FLNB: variants seen among roughly 807,000 people sequenced by gnomAD.
FLNB encodes filamin-B.
Under a neutral mutation model 250.6 loss-of-function variants are expected in FLNB, and 111 were observed. That is an observed-to-expected ratio of 0.44 (90% CI 0.38 to 0.52). The LOEUF (loss-of-function observed/expected upper bound fraction) is 0.52. FLNB is among the 20% of genes least tolerant of loss of function. FLNB has a pLI of 0.00. For missense variants in FLNB, 2,869 were observed against 3,447.8 expected (o/e 0.83, Z 4.20); for synonymous variants, 1,302 against 1,372.1 (o/e 0.95, Z 1.13).
intron 39 of FLNB, chr3:58,154,587 G>T: frequency 1.7e-5 from 9 of 542,804 alleles, no homozygotes; most frequent in East Asian, 6.6e-5. Context: ...GACTCCAGAT[G>T]TCCTGTGAAT....
chr3:58,170,528 GC>G, intron 45 of FLNB, 46 bp from the exon 46 acceptor site: 1 of 1,582,106 alleles, frequency 6.3e-7, no homozygotes, highest in East Asian at 2.2e-5. Context: ...TTCTTCCTGT[GC>G]CTGTCCTGAT....
intron 1 of FLNB, among the ~76,000 whole-genome samples, chr3:58,070,053 T>C (rs76964962): frequency 1.3e-4 from 13 of 103,488 alleles, no homozygotes; most frequent in East Asian, 6.7e-4. Context: ...TTCTTTCTTT[T>C]TTTTTTTTTT....
At chr3:58,100,349 A>G (rs1294493088) in intron 8 of FLNB, among the ~76,000 whole-genome samples, 1 of 124,248 alleles carries the variant, frequency 8.0e-6, no homozygotes, top group Non-Finnish European at 1.8e-5. Context: ...TCCCACCTAA[A>G]TGATTTTACA....
Position 58,109,598 on chromosome 3 carries a change from A to G in FLNB, c.2222A>G (p.His741Arg), listed in dbSNP as rs769601940. Residue 741 changes from histidine to arginine, a missense_variant, in exon 15 of 46, where the codon CAT becomes CGT. Transcript: ENST00000295956. Reference protein sequence around the residue: ...PYRVNIGQGSHPQKVKVFGPG... With the variant: ...PYRVNIGQGSRPQKVKVFGPG... ...TAGGTCAACATCGGGCAAGGTAGCC[A>G]TCCTCAGAAGGTCAAAGTGTTTGGG... 1.2e-6 allele frequency: 2 copies of G among 1,614,246 alleles called. No homozygotes were observed. The highest frequency in any genetic ancestry group is 2.2e-5 in the South Asian group (2 of 91,082).
intron 3 of FLNB, among the ~76,000 whole-genome samples, chr3:58,080,696 GT>G (rs1183053726): frequency 1.3e-5 from 2 of 151,556 alleles, no homozygotes. Context: ...GTTTCACCAT[GT>G]TGGCCAGGCT....
chr3:58,069,047 G>GT (rs1336066497), intron 1 of FLNB, among the ~76,000 whole-genome samples: 1 of 151,708 alleles, frequency 6.6e-6, no homozygotes, highest in Non-Finnish European at 1.5e-5. Context: ...GGAGGCTGAG[G>GT]TGGAAGGATC....
intron 1 of FLNB, among the ~76,000 whole-genome samples, chr3:58,011,353 T>G (rs556211332): frequency 6.6e-6 from 1 of 152,298 alleles, no homozygotes; most frequent in South Asian, 2.1e-4. Context: ...ACAACTTGCA[T>G]TCTATTTTTT....
At chr3:58,165,918 G>A (rs571460096) in intron 43 of FLNB, 1 of 152,314 alleles carries the variant, frequency 6.6e-6, no homozygotes, top group African/African-American at 2.4e-5. Flanking sequence ...GAGATGTTTT[G>A]TGGTGTCAGA....
chr3:58,041,897 G>A (rs2097146549), intron 1 of FLNB, among the ~76,000 whole-genome samples: 1 of 152,208 alleles, frequency 6.6e-6, no homozygotes, highest in East Asian at 1.9e-4. Flanking sequence ...AACAGCACCA[G>A]AAGGGTTCCT....
rs114122647 is a variant in FLNB at position 58,077,441 on chromosome 3, C to G, written c.541+147C>G. The G allele has an allele frequency of 7.0e-3, 7,113 of 1,021,426 alleles. 39 individuals carry two copies. The highest frequency in any genetic ancestry group is 8.9e-3 in the Non-Finnish European group (6,239 of 703,716). The allele number at this position is 1,021,426 out of a possible 1,614,324, so 63.3% of individuals were successfully genotyped here. On this transcript the variant is annotated intron_variant, in intron 2 of 45. Coordinates refer to ENST00000295956, the MANE Select transcript of FLNB (RefSeq NM_001457.4). ...CCATTATAAGCCCATTATAAGGAAA[C>G]TAAAACTGGCTCTGTGTACCCTTCC...
intron 25 of FLNB, chr3:58,131,820 C>T (rs1377697758): frequency 5.3e-6 from 4 of 748,232 alleles, no homozygotes; most frequent in Non-Finnish European, 9.1e-6. Context: ...TGTATGTGTC[C>T]CTGTGTATGT....
At chr3:58,154,755 G>A in intron 39 of FLNB, 36 bp from the exon 40 acceptor site, 1 of 1,611,882 alleles carries the variant, frequency 6.2e-7, no homozygotes, top group Non-Finnish European at 8.5e-7. Flanking sequence ...GGCTCTGTGG[G>A]GCTCAGTCAC....
chr3:58,051,617 T>C (rs2097162523), intron 1 of FLNB, among the ~76,000 whole-genome samples: 1 of 152,112 alleles, frequency 6.6e-6, no homozygotes, highest in Non-Finnish European at 1.5e-5. Flanking sequence ...TTTAAATTGC[T>C]GATACTCCAG....
rs539469179 is a variant in FLNB, at chr3:58,008,627, G to T, written c.63G>T (p.Thr21=). ...DAPWKKIQQN[T]FTRWCNEHLK... ...CTTGGAAGAAGATCCAGCAGAACAC[G>T]TTCACACGCTGGTGCAACGAGCACC... Residue 21 remains threonine (T), a synonymous_variant, in exon 1 of 46, where the codon ACG becomes ACT. Coordinates refer to ENST00000295956, the MANE Select transcript of FLNB (RefSeq NM_001457.4). 4 of 1,613,824 alleles carry T rather than the reference G, an allele frequency of 2.5e-6. No individual in the cohort carries two copies. The Admixed American group carries it at 6.7e-5, about 27-fold the overall frequency.
intron 1 of FLNB, among the ~76,000 whole-genome samples, chr3:58,063,493 G>A (rs1404107316): frequency 6.6e-6 from 1 of 152,192 alleles, no homozygotes; most frequent in Non-Finnish European, 1.5e-5. Context: ...CAGGGCACAG[G>A]GAGGAGCCAT....
intron 1 of FLNB, among the ~76,000 whole-genome samples, chr3:58,018,962 C>CAA (rs34503609): frequency 0.021 from 1,482 of 71,032 alleles, 42 homozygotes; most frequent in African/African-American, 0.035. Context: ...CACATCTCTA[C>CAA]AAAAAAAAAA....
At chr3:58,130,299 T>G (rs534439296) in intron 24 of FLNB, among the ~76,000 whole-genome samples, 40 of 152,308 alleles carry the variant, frequency 2.6e-4, no homozygotes, top group African/African-American at 8.4e-4. Flanking sequence ...CTCCTGCATG[T>G]GCTGAGGCCT....
intron 1 of FLNB, among the ~76,000 whole-genome samples, chr3:58,020,095 G>A (rs529872902): frequency 1.5e-5 from 2 of 134,222 alleles, no homozygotes; most frequent in African/African-American, 5.6e-5. Flanking sequence ...GTGTGTGTGT[G>A]TTGAGGGGAG....
At chr3:58,025,980 G>A (rs2097123073) in intron 1 of FLNB, among the ~76,000 whole-genome samples, 1 of 152,188 alleles carries the variant, frequency 6.6e-6, no homozygotes, top group South Asian at 2.1e-4. Context: ...AAAAGAGAAG[G>A]TGCCTCTAAA....
Sources: gnomAD v4.1 joint callset for allele counts (sites outside exome capture counted in the v4.1 genomes callset) on GRCh38, gnomAD v4.1.1 for gene constraint, MANE v1.5 for transcripts, NCBI Gene and HGNC (gene_info 2026-07-23, HGNC 2026-07-21) for gene names.